Variants in NCKAP1 observed in about 807,000 individuals in gnomAD.
NCKAP1 encodes nck-associated protein 1.
In NCKAP1, 21 loss-of-function variants were observed where a neutral mutation model predicts 151.2. The ratio of observed to expected loss-of-function variants is 0.14; its 90% CI spans 0.10 to 0.20. NCKAP1 has a LOEUF of 0.20. Among genes scored for constraint, NCKAP1 ranks in the 10% least tolerant of loss-of-function variants. The pLI, the probability that NCKAP1 is intolerant of heterozygous loss-of-function variation, is 1.00. For synonymous variants in NCKAP1, 484 were observed against 451.8 expected, an observed-to-expected ratio of 1.07 and a Z score of -0.90; for missense variants, 933 against 1,352.1, an observed-to-expected ratio of 0.69 and a Z score of 4.86.
intron 26 of NCKAP1, 25 bp downstream of exon 26, chr2:182,934,726 AC>A (rs1246793458): frequency 1.7e-6 from 2 of 1,162,858 alleles, no homozygotes; most frequent in Non-Finnish European, 2.5e-6. Flanking sequence ...GAGACTGTAA[AC>A]CCCAACTATA....
At position 182,981,331 on chromosome 2, in the gene NCKAP1, A is replaced by G. The variant is rs370783845; in HGVS notation, c.1254T>C (p.His418=). The stretch of plus-strand genomic sequence containing the variant: ...GCATTACAGGTCCGTATTTCCTCAC[A>G]TGTGCTCTAAGTTCTTCCATGTAAA... ...LIFYMEELRA[H]VRKYGPVMQR... Residue 418 remains histidine (H), a synonymous_variant, in exon 13 of 31, where the codon CAT becomes CAC. Transcript: ENST00000361354. The G allele has an allele frequency of 4.3e-5, 70 of 1,613,320 alleles. No individual in the cohort carries two copies. The highest frequency in any genetic ancestry group is 5.6e-5 in the Non-Finnish European group (66 of 1,179,430).
At chr2:183,034,909 G>A (rs1699073725) in intron 1 of NCKAP1, among the ~76,000 whole-genome samples, 2 of 152,072 alleles carry the variant, frequency 1.3e-5, no homozygotes, top group African/African-American at 4.8e-5. Flanking sequence ...GCTCAAGAAA[G>A]TCAAATTACT....
chr2:182,941,177 G>T (rs1696987541), intron 24 of NCKAP1, among the ~76,000 whole-genome samples: 1 of 150,558 alleles, frequency 6.6e-6, no homozygotes, highest in African/African-American at 2.4e-5. Flanking sequence ...TAACCAAGAA[G>T]TATGACTTTA....
intron 13 of NCKAP1, among the ~76,000 whole-genome samples, chr2:182,979,992 C>T (rs1697905440): frequency 6.6e-6 from 1 of 151,944 alleles, no homozygotes; most frequent in South Asian, 2.1e-4. Flanking sequence ...AGAAGAAATG[C>T]TAAGAATTAA....
intron 8 of NCKAP1, among the ~76,000 whole-genome samples, chr2:182,992,735 C>A (rs1290657206): frequency 6.6e-6 from 1 of 152,022 alleles, no homozygotes; most frequent in African/African-American, 2.4e-5. Context: ...TGTTAAATTT[C>A]CCCTCTTTCA....
At chr2:182,945,505 G>A (rs1697085943) in intron 23 of NCKAP1, among the ~76,000 whole-genome samples, 1 of 152,044 alleles carries the variant, frequency 6.6e-6, no homozygotes, top group Non-Finnish European at 1.5e-5. Context: ...ACTCCAAAAA[G>A]ACTAAGATGC....
At chr2:182,976,483 CATG>C (rs1389368558) in intron 15 of NCKAP1, among the ~76,000 whole-genome samples, 2 of 152,188 alleles carry the variant, frequency 1.3e-5, no homozygotes, top group Non-Finnish European at 2.9e-5. Context: ...AGAGTGCAAT[CATG>C]ATGACGGAGA....
rs776581242 is a variant in NCKAP1 at position 182,925,732 on chromosome 2, G to A, written c.3357C>T (p.Val1119=). 4 of 1,577,744 alleles carry A rather than the reference G, an allele frequency of 2.5e-6. 1 individual carries two copies. The South Asian group carries it at 4.7e-5, about 19-fold the overall frequency. The change falls in exon 31 of 31, where the codon GTC becomes GTT. Residue 1119 remains valine, a synonymous_variant. Transcript: ENST00000361354. Reference sequence around the variant, plus strand: ...CAGAAGATGTAACACTTTGTTTGTAGACAGCATGGTATGCATTTCTCAGCA... The same window carrying A: ...CAGAAGATGTAACACTTTGTTTGTAAACAGCATGGTATGCATTTCTCAGCA... ...YVLLRNAYHA[V]YKQSVTSSA
At chr2:182,980,855 GTC>G (rs1320316167) in intron 13 of NCKAP1, among the ~76,000 whole-genome samples, 10 of 151,834 alleles carry the variant, frequency 6.6e-5, no homozygotes. Context: ...TTTTCTTCTG[GTC>G]TCTCTGCCTC....
Position 182,911,380 on chromosome 2 carries a change from A to G in NCKAP1, c.*14322T>C, listed in dbSNP as rs900334042. 1 of 152,100 alleles carries G rather than the reference A, an allele frequency of 6.6e-6. No homozygotes were observed. The highest frequency in any genetic ancestry group is 2.4e-5 in the African/African-American group (1 of 41,432). 9.4% of individuals were successfully genotyped at this position (152,100 alleles called of 1,614,324 possible). On this transcript the variant is annotated 3_prime_UTR_variant, in exon 31 of 31. Transcript: ENST00000361354. ...CTTACATAGTGGGGAATTCAAACAC[A>G]TGGGAAGGGGATTAATTCACAAAAC...
Position 182,921,874 on chromosome 2 carries a change from A to C in NCKAP1, c.*3828T>G, listed in dbSNP as rs1265677290. Reference sequence around the variant, plus strand: ...AAATAATACCAAAGTAGAGTCAATAAATATTAAATTTCCTTCCAATTCCAC... The same window carrying C: ...AAATAATACCAAAGTAGAGTCAATACATATTAAATTTCCTTCCAATTCCAC... On this transcript the variant is annotated 3_prime_UTR_variant, in exon 31 of 31. Coordinates refer to ENST00000361354, the MANE Select transcript of NCKAP1 (RefSeq NM_013436.5). The C allele has an allele frequency of 2.6e-5, 4 of 152,344 alleles. No homozygotes were observed. The highest frequency in any genetic ancestry group is 2.0e-4 in the Admixed American group (3 of 15,306). 9.4% of individuals were successfully genotyped at this position (152,344 alleles called of 1,614,324 possible).
chr2:182,961,736 T>A (rs967401050), intron 18 of NCKAP1, among the ~76,000 whole-genome samples: 8 of 148,186 alleles, frequency 5.4e-5, no homozygotes, highest in South Asian at 2.1e-4. Context: ...TAATAAAAAA[T>A]AAATAAATAA....
rs138585233 is a variant in NCKAP1 at position 182,999,985 on chromosome 2, C to A, written c.603+1968G>T. Among the ~76,000 whole-genome samples, 6 of 152,240 alleles carry A rather than the reference C, an allele frequency of 3.9e-5. No individual in the cohort carries two copies. In the East Asian group the frequency reaches 1.2e-3, roughly 29 times the overall value. ...CATGGACACAAAGAAACAACAGACA[C>A]TGGGGACTCCAGAAGTGGGAAGGAG... is the stretch of plus-strand genomic sequence containing the variant. On this transcript the variant is annotated intron_variant, in intron 6 of 30. Transcript: ENST00000361354.
intron 9 of NCKAP1, among the ~76,000 whole-genome samples, chr2:182,988,330 T>C (rs1355755964): frequency 6.6e-6 from 1 of 152,220 alleles, no homozygotes; most frequent in East Asian, 1.9e-4. Context: ...AATTTCACTG[T>C]TATCTGAAGC....
At chr2:182,985,450 A>T (rs1575047939) in intron 10 of NCKAP1, among the ~76,000 whole-genome samples, 2 of 151,784 alleles carry the variant, frequency 1.3e-5, no homozygotes, top group African/African-American at 4.9e-5. Flanking sequence ...TTTCTCACTT[A>T]GGATATCTAT....
chr2:183,030,729 C>T (rs140417826), intron 1 of NCKAP1, among the ~76,000 whole-genome samples: 42 of 152,064 alleles, frequency 2.8e-4, no homozygotes, highest in African/African-American at 7.0e-4. Context: ...GAAGAATAGA[C>T]GTTACCTGAA....
intron 26 of NCKAP1, among the ~76,000 whole-genome samples, chr2:182,932,934 A>G (rs12470377): frequency 0.67 from 102,280 of 151,990 alleles, 37,710 homozygotes; most frequent in East Asian, 0.96. Context: ...TTTATTCTGC[A>G]CAAAACACTG....
At position 182,985,438 on chromosome 2, in the gene NCKAP1, A is replaced by G. The variant is rs1698034161; in HGVS notation, c.1004+733T>C. On this transcript the variant is annotated intron_variant, in intron 10 of 30. Transcript: ENST00000361354. ...GTTGTTCAAAGATTTAAAATACACT[A>G]ATTTCTCACTTAGGATATCTATATA... is the stretch of plus-strand genomic sequence containing the variant. Among the ~76,000 whole-genome samples the G allele has an allele frequency of 4.6e-5, 7 of 152,278 alleles. 1 individual carries two copies. The South Asian group carries it at 1.0e-3, about 23-fold the overall frequency.
At chr2:183,006,965 G>A (rs1575061477) in intron 2 of NCKAP1, among the ~76,000 whole-genome samples, 1 of 152,062 alleles carries the variant, frequency 6.6e-6, no homozygotes, top group Non-Finnish European at 1.5e-5. Context: ...TCTGCCTTCC[G>A]AGTTCAAGCA....
Sources: gnomAD v4.1 joint callset for allele counts (sites outside exome capture counted in the v4.1 genomes callset) on GRCh38, gnomAD v4.1.1 for gene constraint, MANE v1.5 for transcripts, NCBI Gene and HGNC (gene_info 2026-07-23, HGNC 2026-07-21) for gene names.